Variants in SAMD5 observed in about 807,000 individuals in gnomAD.
The protein encoded by SAMD5 is sterile alpha motif domain-containing protein 5.
Under a neutral mutation model 11.3 loss-of-function variants are expected in SAMD5, and 13 were observed. The ratio of observed to expected loss-of-function variants is 1.15; its 90% CI spans 0.75 to 1.83. The LOEUF is 1.83. SAMD5 is among the 40% of genes most tolerant of loss of function. The pLI is 0.00. For missense variants in SAMD5, 255 were observed against 239.1 expected, an observed-to-expected ratio of 1.07 and a Z score of -0.44; for synonymous variants, 129 against 111.3, an observed-to-expected ratio of 1.16 and a Z score of -1.00.
chr6:147,558,262 G>A (rs1788889223), intron 1 of SAMD5, among the ~76,000 whole-genome samples: 1 of 152,294 alleles, frequency 6.6e-6, no homozygotes, highest in South Asian at 2.1e-4. Context: ...AGAACTTCAA[G>A]TGAGCAGCCC....
chr6:147,604,408 C>T (rs1789667735), intron 1 of SAMD5, among the ~76,000 whole-genome samples: 1 of 152,146 alleles, frequency 6.6e-6, no homozygotes, highest in Admixed American at 6.6e-5. Flanking sequence ...GCCCCTTTCC[C>T]CCTACCACAT....
chr6:147,732,585 T>C (rs1346924194), intron 1 of SAMD5, among the ~76,000 whole-genome samples: 2 of 152,192 alleles, frequency 1.3e-5, no homozygotes, highest in African/African-American at 4.8e-5. Context: ...GCAGGAACAT[T>C]GCATGTAACC....
chr6:147,926,560 G>A, the SAMD5 span, among the ~76,000 whole-genome samples: 34,417 of 151,746 alleles, frequency 0.23, 4,426 homozygotes, highest in African/African-American at 0.34. Context: ...GTTCCTTATA[G>A]ATGCTGGATA....
chr6:147,593,252 T>C (rs941823532), intron 1 of SAMD5, among the ~76,000 whole-genome samples: 4 of 152,182 alleles, frequency 2.6e-5, no homozygotes, highest in African/African-American at 9.6e-5. Flanking sequence ...CCTAGCAAAT[T>C]AGACCTGTCT....
intron 1 of SAMD5, among the ~76,000 whole-genome samples, chr6:147,520,238 C>T (rs948404879): frequency 6.6e-6 from 1 of 151,902 alleles, no homozygotes; most frequent in African/African-American, 2.4e-5. Context: ...CTGCCTTAGC[C>T]TCCCAAGTAG....
At chr6:147,806,305 C>CGCGCGCAT in the SAMD5 span, among the ~76,000 whole-genome samples, 1 of 42,880 alleles carries the variant, frequency 2.3e-5, no homozygotes. Context: ...TGTGCGCATG[C>CGCGCGCAT]GCGCGCGCGC....
At chr6:147,917,958 T>C in the SAMD5 span, among the ~76,000 whole-genome samples, 6 of 152,330 alleles carry the variant, frequency 3.9e-5, 1 homozygote, top group Admixed American at 3.9e-4. Flanking sequence ...TTGGTTACTG[T>C]AGCCTTGTAG....
chr6:147,525,749 A>G (rs938690125), intron 1 of SAMD5, among the ~76,000 whole-genome samples: 1 of 152,196 alleles, frequency 6.6e-6, no homozygotes, highest in African/African-American at 2.4e-5. Context: ...GCCAGTCAGC[A>G]TTAGGGAGGC....
At chr6:147,721,584 A>G (rs1791553053) in intron 1 of SAMD5, among the ~76,000 whole-genome samples, 1 of 152,074 alleles carries the variant, frequency 6.6e-6, no homozygotes, top group Middle Eastern at 3.2e-3. Context: ...AGTTCATTGT[A>G]GATTCTGGAT....
the SAMD5 span, among the ~76,000 whole-genome samples, chr6:147,766,726 G>T: frequency 6.6e-6 from 1 of 152,100 alleles, no homozygotes; most frequent in African/African-American, 2.4e-5. Context: ...GTGAAATCAA[G>T]GTCCTGACAG....
chr6:147,598,718 C>A (rs844610), intron 1 of SAMD5, among the ~76,000 whole-genome samples: 13,037 of 152,206 alleles, frequency 0.086, 894 homozygotes, highest in African/African-American at 0.19. Flanking sequence ...TTCTGTACAT[C>A]TGACATGTGC....
the SAMD5 span, among the ~76,000 whole-genome samples, chr6:147,845,129 A>C: frequency 1.1e-4 from 16 of 152,168 alleles, no homozygotes; most frequent in Admixed American, 9.8e-4. Flanking sequence ...AGTATCAATT[A>C]AAAATAAAAT....
At chr6:147,580,346 C>G (rs141045390) in intron 1 of SAMD5, among the ~76,000 whole-genome samples, 41 of 152,364 alleles carry the variant, frequency 2.7e-4, no homozygotes, top group Non-Finnish European at 5.9e-4. Flanking sequence ...CTCTTACTTA[C>G]TTATCAGACC....
At chr6:147,728,750 A>G (rs535698089) in intron 1 of SAMD5, among the ~76,000 whole-genome samples, 5 of 152,334 alleles carry the variant, frequency 3.3e-5, no homozygotes, top group Middle Eastern at 3.4e-3. Context: ...GAGTTTTTCT[A>G]TATAAAACTC....
At chr6:147,708,805 G>C (rs1006723141) in intron 1 of SAMD5, among the ~76,000 whole-genome samples, 1 of 152,148 alleles carries the variant, frequency 6.6e-6, no homozygotes. Flanking sequence ...CCTCACAGAA[G>C]GATTTATGAT....
intron 1 of SAMD5, among the ~76,000 whole-genome samples, chr6:147,649,109 C>A (rs1237336916): frequency 1.3e-5 from 2 of 152,174 alleles, no homozygotes; most frequent in African/African-American, 4.8e-5. Context: ...TTTGGTCTTG[C>A]ATTTATTCTT....
intron 1 of SAMD5, among the ~76,000 whole-genome samples, chr6:147,582,769 G>A (rs1013500839): frequency 2.6e-5 from 4 of 152,154 alleles, no homozygotes; most frequent in East Asian, 1.9e-4. Flanking sequence ...CTATAAAAAC[G>A]GTCCTGGAAT....
intron 1 of SAMD5, among the ~76,000 whole-genome samples, chr6:147,640,419 C>A (rs1402280669): frequency 3.6e-5 from 5 of 137,964 alleles, no homozygotes; most frequent in South Asian, 2.5e-4. Context: ...ATCACTTGAA[C>A]CTGGGAGGTG....
the SAMD5 span, among the ~76,000 whole-genome samples, chr6:147,858,984 A>C: frequency 6.6e-6 from 1 of 152,238 alleles, no homozygotes; most frequent in Non-Finnish European, 1.5e-5. Flanking sequence ...ATATATATTA[A>C]GAAGGAAAAA....
Sources: gnomAD v4.1 joint callset for allele counts (sites outside exome capture counted in the v4.1 genomes callset) on GRCh38, gnomAD v4.1.1 for gene constraint, MANE v1.5 for transcripts, NCBI Gene and HGNC (gene_info 2026-07-23, HGNC 2026-07-21) for gene names.